Variants in YTHDC1 observed in about 807,000 individuals in gnomAD.
YTHDC1 encodes the protein YTH N6-methyladenosine RNA binding protein C1.
In YTHDC1, 12 loss-of-function variants were observed where a neutral mutation model predicts 107.0. The observed-to-expected ratio is 0.11, with a 90% CI of 0.07 to 0.18. The LOEUF (loss-of-function observed/expected upper bound fraction) is 0.18, where lower values mean the gene tolerates loss of function less well. YTHDC1 is among the 10% of genes least tolerant of loss of function. YTHDC1 has a pLI of 1.00. For missense variants in YTHDC1, 635 were observed against 898.8 expected (o/e 0.71, Z 3.75); for synonymous variants, 280 against 289.5 (o/e 0.97, Z 0.33).
At position 68,330,016 on chromosome 4, in the gene YTHDC1, A is replaced by T. The variant is rs1723406170; in HGVS notation, c.1335T>A (p.Ile445=). The T allele has an allele frequency of 6.2e-7, 1 of 1,613,178 alleles. No individual in the cohort carries two copies. The highest frequency in any genetic ancestry group is 2.2e-5 in the East Asian group (1 of 44,846). ...SAKMLGGVFK[I]DWICRRELPF... ...GTATAATTTACCTGCAAATCCAGTC[A>T]ATTTTAAAGACACCTCCCAGCATTT... The change falls in exon 9 of 17, where the codon ATT becomes ATA. Residue 445 remains isoleucine, a synonymous_variant. Coordinates refer to ENST00000344157, the MANE Select transcript of YTHDC1 (RefSeq NM_001031732.4).
chr4:68,321,346 A>G (rs1722427818), intron 11 of YTHDC1, among the ~76,000 whole-genome samples: 1 of 152,192 alleles, frequency 6.6e-6, no homozygotes, highest in Non-Finnish European at 1.5e-5. Context: ...AAGAAAATTA[A>G]AAGCTGGTTT....
intron 11 of YTHDC1, among the ~76,000 whole-genome samples, chr4:68,321,178 A>AT (rs769168208): frequency 6.6e-6 from 1 of 152,218 alleles, no homozygotes; most frequent in Non-Finnish European, 1.5e-5. Context: ...TAAAAACTTG[A>AT]TAACAACCTA....
chr4:68,316,575 G>C (rs1578015672), intron 15 of YTHDC1, 127 bp from the exon 16 acceptor site: 4 of 1,073,172 alleles, frequency 3.7e-6, no homozygotes, highest in Non-Finnish European at 5.1e-6. Flanking sequence ...TACTTTGATG[G>C]CATTAAGGTG....
intron 5 of YTHDC1, 70 bp downstream of exon 5, chr4:68,333,238 C>G: frequency 8.3e-7 from 1 of 1,205,770 alleles, no homozygotes; most frequent in Non-Finnish European, 1.2e-6. Context: ...CACTAAACTA[C>G]AGCCTCCACA....
intron 4 of YTHDC1, among the ~76,000 whole-genome samples, chr4:68,333,793 C>T (rs1280181791): frequency 6.6e-6 from 1 of 152,062 alleles, no homozygotes; most frequent in Admixed American, 6.5e-5. Flanking sequence ...AACTCCACTA[C>T]CATTCTTCAG....
intron 11 of YTHDC1, among the ~76,000 whole-genome samples, chr4:68,320,474 G>A (rs1722327996): frequency 6.6e-6 from 1 of 152,032 alleles, no homozygotes; most frequent in Non-Finnish European, 1.5e-5. Context: ...ATCAAAACAT[G>A]TAAGTCACAT....
rs149734797 is a variant in YTHDC1, at chr4:68,318,532, G to A, written c.1811C>T (p.Pro604Leu). 136 of 1,611,606 alleles carry A rather than the reference G, an allele frequency of 8.4e-5. No homozygotes were observed. The highest frequency in any genetic ancestry group is 1.1e-4 in the Non-Finnish European group (127 of 1,178,948). ...AATAATACAAACCATTCCTTGCCAA[G>A]GTGGTGGTGGTCCCATGTTATGAAA... ...REFHNMGPPP[P>L]WQGMPPYPGM... The change falls in exon 15 of 17, where the codon CCT becomes CTT. Residue 604 changes from proline to leucine, a missense_variant. By Grantham distance (98) the Pro-to-Leu change is moderately conservative. This residue lies in a region of YTHDC1 where 256 missense variants were observed against 372.9 expected (regional missense o/e 0.69). Transcript: ENST00000344157.
At position 68,330,246 on chromosome 4, in the gene YTHDC1, C is replaced by G. The variant is rs900674073; in HGVS notation, c.1187G>C (p.Ser396Thr). 4 of 1,607,370 alleles carry G rather than the reference C, an allele frequency of 2.5e-6. No homozygotes were observed. The highest frequency in any genetic ancestry group is 1.1e-5 in the South Asian group (1 of 89,918). ...TCTGACAGAAAATATTAAGATAACACTCCTTGCAGATCTAAATGCAAGATT... is the reference window on the plus strand; with the variant it reads ...TCTGACAGAAAATATTAAGATAACAGTCCTTGCAGATCTAAATGCAAGATT... The part of the protein sequence containing the change: ...KLNLAFRSAR[S>T]VILIFSVRES... The change falls in exon 8 of 17, where the codon AGT becomes ACT. Residue 396 changes from serine (S) to threonine (T), a missense_variant. Physicochemically the swap from Ser to Thr is moderately conservative, Grantham distance 58. Coordinates refer to ENST00000344157, the MANE Select transcript of YTHDC1 (RefSeq NM_001031732.4).
Position 68,349,956 on chromosome 4 carries a change from G to T in YTHDC1, c.-203C>A. 1 of 710,922 alleles carries T rather than the reference G, an allele frequency of 1.4e-6. No homozygotes were observed. Among genetic ancestry groups the T allele is most frequent in the Non-Finnish European group, 2.4e-6 (1 of 425,154 alleles). The allele number at this position is 710,922 out of a possible 1,614,324, so 44.0% of individuals were successfully genotyped here. ...TCCCTTCCTTTCACTCCAGCATCCA[G>T]CGGCCTAGGCCCAGCCTTCTCGTTA... is the stretch of plus-strand genomic sequence containing the variant. On this transcript the variant is annotated 5_prime_UTR_variant, in exon 1 of 17. It adds an upstream start codon to the 5' untranslated region. Coordinates refer to ENST00000344157, the MANE Select transcript of YTHDC1 (RefSeq NM_001031732.4).
chr4:68,320,169 T>G lies in YTHDC1; in HGVS notation c.1638A>C (p.Arg546Ser). ...GGGGATAGTCAATCCTTGGTTTCTT[T>G]CTGCTGTTATGAATATCATAATCTT... ...RPEDYDIHNSRKKPRIDYPPE... is the reference protein window; with the variant it reads ...RPEDYDIHNSSKKPRIDYPPE... Residue 546 changes from arginine (R) to serine (S), a missense_variant, in exon 12 of 17, where the codon AGA becomes AGC. Coordinates refer to ENST00000344157, the MANE Select transcript of YTHDC1 (RefSeq NM_001031732.4). 1 of 1,610,922 alleles carries G rather than the reference T, an allele frequency of 6.2e-7. No individual in the cohort carries two copies. The highest frequency in any genetic ancestry group is 1.7e-5 in the Admixed American group (1 of 59,484).
chr4:68,326,351 G>C (rs1455858367), intron 9 of YTHDC1, among the ~76,000 whole-genome samples: 1 of 152,074 alleles, frequency 6.6e-6, no homozygotes, highest in Non-Finnish European at 1.5e-5. Flanking sequence ...GCAAAACAGG[G>C]CTCAGAATAA....
chr4:68,329,576 TAC>T (rs1195739843), intron 9 of YTHDC1, among the ~76,000 whole-genome samples: 2 of 152,158 alleles, frequency 1.3e-5, no homozygotes, highest in African/African-American at 2.4e-5. Context: ...TTCTAATAAA[TAC>T]AGTTAAATCT....
chr4:68,330,654 GA>G (rs1405876454), intron 7 of YTHDC1, among the ~76,000 whole-genome samples: 1 of 152,130 alleles, frequency 6.6e-6, no homozygotes, highest in African/African-American at 2.4e-5. Flanking sequence ...CATCCTGTTT[GA>G]AGGTGAATCG....
At chr4:68,340,483 T>TCTC (rs1270719219) in intron 1 of YTHDC1, among the ~76,000 whole-genome samples, 1 of 152,088 alleles carries the variant, frequency 6.6e-6, no homozygotes, top group Non-Finnish European at 1.5e-5. Context: ...TCTCATCATC[T>TCTC]AGATTCATGT....
intron 12 of YTHDC1, among the ~76,000 whole-genome samples, chr4:68,319,562 ACTGC>A (rs1226668452): frequency 1.3e-5 from 2 of 152,130 alleles, no homozygotes; most frequent in East Asian, 3.8e-4. Flanking sequence ...CAATCTCCTA[ACTGC>A]CTAAGTTTCA....
At chr4:68,335,929 C>T (rs1258500723) in intron 4 of YTHDC1, among the ~76,000 whole-genome samples, 1 of 150,398 alleles carries the variant, frequency 6.6e-6, no homozygotes, top group African/African-American at 2.4e-5. Flanking sequence ...TTGCCAATCA[C>T]TAGAAAATAA....
intron 15 of YTHDC1, among the ~76,000 whole-genome samples, chr4:68,318,281 T>C (rs1722080843): frequency 1.3e-5 from 2 of 152,122 alleles, no homozygotes; most frequent in African/African-American, 2.4e-5. Context: ...TTTGTATTTT[T>C]AGTAGAGACA....
rs1312630425 is a variant in YTHDC1, at chr4:68,337,772, T to G, written c.259A>C (p.Thr87Pro). The change falls in exon 3 of 17, where the codon ACA (threonine) becomes CCA (proline). Residue 87 changes from threonine to proline, a missense_variant. Coordinates refer to ENST00000344157, the MANE Select transcript of YTHDC1 (RefSeq NM_001031732.4). ...TACTCTGTGGCTGACTTTCCTTTTG[T>G]ACTAACTATTCTTTTGTTATTGCTA... ...SVSNNKRIVS[T>P]KGKSATEYKN... The G allele has an allele frequency of 6.2e-7, 1 of 1,614,178 alleles. No homozygotes were observed. The highest frequency in any genetic ancestry group is 1.3e-5 in the African/African-American group (1 of 75,038).
chr4:68,325,781 G>T (rs2109699586), intron 9 of YTHDC1, among the ~76,000 whole-genome samples: 1 of 152,234 alleles, frequency 6.6e-6, no homozygotes, highest in South Asian at 2.1e-4. Context: ...TAACAAGGTG[G>T]TATATTCTGT....
Sources: gnomAD v4.1 joint callset for allele counts (sites outside exome capture counted in the v4.1 genomes callset) on GRCh38, gnomAD v4.1.1 for gene constraint, gnomAD v4.1.1 regional missense constraint, MANE v1.5 for transcripts, NCBI Gene and HGNC (gene_info 2026-07-23, HGNC 2026-07-21) for gene names.